SPOCK1: variants seen among roughly 807,000 people sequenced by gnomAD.
SPOCK1 encodes testican-1.
Under a neutral mutation model 55.3 loss-of-function variants are expected in SPOCK1, and 23 were observed. That is an observed-to-expected ratio of 0.42 (90% confidence interval 0.30 to 0.59). The LOEUF (loss-of-function observed/expected upper bound fraction) is 0.59. Ranked by LOEUF, SPOCK1 falls within the 20% of genes least tolerant of loss-of-function variation. The pLI is 0.22. For synonymous variants in SPOCK1, 226 were observed against 221.0 expected, an observed-to-expected ratio of 1.02 and a Z score of -0.20; for missense variants, 499 against 552.5, an observed-to-expected ratio of 0.90 and a Z score of 0.97.
At chr5:137,260,214 G>A (rs772219821) in intron 3 of SPOCK1, among the ~76,000 whole-genome samples, 17 of 152,020 alleles carry the variant, frequency 1.1e-4, no homozygotes, top group African/African-American at 2.7e-4. Flanking sequence ...CTGGCATCCC[G>A]CACTCTTCAG....
intron 6 of SPOCK1, among the ~76,000 whole-genome samples, chr5:137,027,584 A>ACC (rs1751702743): frequency 6.6e-6 from 1 of 152,174 alleles, no homozygotes; most frequent in Non-Finnish European, 1.5e-5. Flanking sequence ...TTTAATTTTA[A>ACC]TTCATTTTAA....
At chr5:137,188,782 C>T (rs1188551931) in intron 3 of SPOCK1, among the ~76,000 whole-genome samples, 3 of 152,170 alleles carry the variant, frequency 2.0e-5, no homozygotes, top group East Asian at 3.8e-4. Flanking sequence ...TGTCGAAAGC[C>T]GAGACAGGCT....
intron 6 of SPOCK1, among the ~76,000 whole-genome samples, chr5:137,034,368 C>T (rs1422966192): frequency 6.6e-6 from 1 of 152,184 alleles, no homozygotes; most frequent in African/African-American, 2.4e-5. Flanking sequence ...AAGATGACCT[C>T]ATGCAGCTCC....
At chr5:137,357,234 C>T (rs1179888692) in intron 2 of SPOCK1, among the ~76,000 whole-genome samples, 1 of 152,148 alleles carries the variant, frequency 6.6e-6, no homozygotes, top group Non-Finnish European at 1.5e-5. Flanking sequence ...ACCGTGCTAA[C>T]TCCATCCATT....
intron 4 of SPOCK1, among the ~76,000 whole-genome samples, chr5:137,137,800 C>T (rs1449372612): frequency 1.3e-5 from 2 of 152,212 alleles, no homozygotes; most frequent in African/African-American, 2.4e-5. Context: ...TAGTGAATTA[C>T]TTTTTAGTCA....
intron 2 of SPOCK1, among the ~76,000 whole-genome samples, chr5:137,466,678 A>G (rs1248684857): frequency 6.6e-6 from 1 of 152,244 alleles, no homozygotes; most frequent in East Asian, 1.9e-4. Context: ...GGAATACATA[A>G]GAGTGTGCAT....
rs149629996 is a variant in SPOCK1, at chr5:137,383,875, C to T, written c.186+114498G>A. 6.3e-3 allele frequency among the ~76,000 whole-genome samples: 953 copies of T among 152,280 alleles called. 11 individuals carry two copies. Among genetic ancestry groups the T allele is most frequent in the Non-Finnish European group, 7.8e-3 (528 of 68,020 alleles). ...CATTTGCAATTTAAAATGAAGCTCCCGGTAAAACTCAGCACTGGCTCCCAC... is the reference window on the plus strand; with the variant it reads ...CATTTGCAATTTAAAATGAAGCTCCTGGTAAAACTCAGCACTGGCTCCCAC... On this transcript the variant is annotated intron_variant, in intron 2 of 10. Coordinates refer to ENST00000394945, the MANE Select transcript of SPOCK1 (RefSeq NM_004598.4).
chr5:136,983,941 A>AATGT (rs1750786255), intron 9 of SPOCK1, among the ~76,000 whole-genome samples: 1 of 152,212 alleles, frequency 6.6e-6, no homozygotes, highest in Non-Finnish European at 1.5e-5. Flanking sequence ...CCAATGAGGC[A>AATGT]ATGTATGTTT....
At chr5:137,111,147 G>A (rs559285069) in intron 5 of SPOCK1, among the ~76,000 whole-genome samples, 9 of 152,114 alleles carry the variant, frequency 5.9e-5, no homozygotes, top group East Asian at 3.9e-4. Flanking sequence ...GAGGATCATC[G>A]TGAGCCTGTG....
chr5:137,375,111 C>T (rs528124869), intron 2 of SPOCK1, among the ~76,000 whole-genome samples: 11 of 152,130 alleles, frequency 7.2e-5, no homozygotes, highest in South Asian at 4.1e-4. Flanking sequence ...TTGGAATAAA[C>T]GATGGCCAAC....
chr5:136,999,005 G>C (rs1002402686), intron 6 of SPOCK1, among the ~76,000 whole-genome samples: 1 of 152,164 alleles, frequency 6.6e-6, no homozygotes, highest in Non-Finnish European at 1.5e-5. Flanking sequence ...AAAGTACATA[G>C]CCCTGGGAAG....
intron 2 of SPOCK1, among the ~76,000 whole-genome samples, chr5:137,333,685 G>A (rs1758233895): frequency 6.6e-6 from 1 of 152,240 alleles, no homozygotes; most frequent in Non-Finnish European, 1.5e-5. Flanking sequence ...GCAAGGATGT[G>A]CTGTATGCCC....
At chr5:136,978,905 G>T in intron 10 of SPOCK1, 61 bp from the exon 11 acceptor site, 1 of 1,508,128 alleles carries the variant, frequency 6.6e-7, no homozygotes. Context: ...CCCACGTCAG[G>T]GGTTCCTTTG....
chr5:137,344,560 G>T (rs1247841401), intron 2 of SPOCK1, among the ~76,000 whole-genome samples: 2 of 152,292 alleles, frequency 1.3e-5, no homozygotes, highest in Admixed American at 6.5e-5. Context: ...CAAATGGGGA[G>T]GGGGCGGTGC....
At chr5:137,398,830 G>T (rs1213319005) in intron 2 of SPOCK1, among the ~76,000 whole-genome samples, 1 of 152,168 alleles carries the variant, frequency 6.6e-6, no homozygotes, top group Non-Finnish European at 1.5e-5. Context: ...CTTTATGGAA[G>T]ATGCCAAATG....
chr5:137,419,644 C>T (rs1459827223), intron 2 of SPOCK1, among the ~76,000 whole-genome samples: 1 of 152,092 alleles, frequency 6.6e-6, no homozygotes, highest in Non-Finnish European at 1.5e-5. Context: ...TTTTTGCAGA[C>T]TGATTTTGTA....
chr5:137,198,863 A>T (rs78284097), intron 3 of SPOCK1, among the ~76,000 whole-genome samples: 16,909 of 152,286 alleles, frequency 0.11, 1,181 homozygotes, highest in East Asian at 0.22. Context: ...AACTCTTCTG[A>T]ATAAATACTA....
intron 2 of SPOCK1, among the ~76,000 whole-genome samples, chr5:137,454,221 G>C (rs1292643089): frequency 1.3e-5 from 2 of 152,112 alleles, no homozygotes; most frequent in African/African-American, 4.8e-5. Context: ...CCTGGGCCTA[G>C]ATGGGTATTA....
At chr5:137,430,564 A>T (rs1161241543) in intron 2 of SPOCK1, among the ~76,000 whole-genome samples, 1 of 152,228 alleles carries the variant, frequency 6.6e-6, no homozygotes, top group African/African-American at 2.4e-5. Context: ...ACATTTGCAT[A>T]GTCCTTTACA....
Sources: allele counts gnomAD v4.1 joint callset (sites outside exome capture counted in the v4.1 genomes callset), GRCh38; gene constraint gnomAD v4.1.1; transcripts MANE v1.5; gene names NCBI Gene and HGNC (gene_info 2026-07-23, HGNC 2026-07-21).